The following DNPH1 variants were observed in gnomAD, a reference collection of about 807,000 sequenced individuals.
DNPH1 encodes 5-hydroxymethyl-dUMP N-hydrolase.
A neutral mutation model predicts 15.7 loss-of-function variants in DNPH1; 18 were observed. The observed-to-expected ratio is 1.15, with a 90% CI of 0.79 to 1.70. DNPH1 has a LOEUF of 1.70. DNPH1 is among the 40% of genes most tolerant of loss of function. The pLI, the probability that DNPH1 is intolerant of heterozygous loss-of-function variation, is 0.00. For synonymous variants in DNPH1, 114 were observed against 107.9 expected (o/e 1.06, Z -0.35); for missense variants, 262 against 255.2 (o/e 1.03, Z -0.18).
intron 1 of DNPH1, among the ~76,000 whole-genome samples, chr6:43,228,592 G>A (rs973387252): frequency 6.6e-6 from 1 of 152,078 alleles, no homozygotes; most frequent in Non-Finnish European, 1.5e-5. Context: ...TTGGGAGGCC[G>A]AGGCGGGCAG....
intron 1 of DNPH1, among the ~76,000 whole-genome samples, chr6:43,227,482 G>C (rs1323648123): frequency 1.3e-5 from 2 of 151,992 alleles, no homozygotes; most frequent in African/African-American, 2.4e-5. Flanking sequence ...TTTTTAACAG[G>C]CTCCCTCAGA....
Position 43,226,481 on chromosome 6 carries a change from C to A in DNPH1, c.197-86G>T, listed in dbSNP as rs1410850441. ...CCCTTGTATGTCCATACCCACCCTG[C>A]TCAGGGAGGGTGGGAGCCTTGTGCC... On this transcript the variant is annotated intron_variant, in intron 1 of 3. Transcript: ENST00000230431. This position sits in a 1 kb window ranked among gnomAD's most constrained non-coding sequence, Gnocchi z 4.1. 4 of 1,248,324 alleles carry A rather than the reference C, an allele frequency of 3.2e-6. No homozygotes were observed. The highest frequency in any genetic ancestry group is 4.4e-6 in the Non-Finnish European group (4 of 909,792). The allele number at this position is 1,248,324 out of a possible 1,614,324, so 77.3% of individuals were successfully genotyped here.
In DNPH1 at chr6:43,226,189, G is replaced by A. The variant is rs759612459; in HGVS notation, c.266-46C>T. 3 of 1,609,540 alleles carry A rather than the reference G, an allele frequency of 1.9e-6. No individual in the cohort carries two copies. The highest frequency in any genetic ancestry group is 2.2e-5 in the South Asian group (2 of 90,810). On this transcript the variant is annotated intron_variant, in intron 2 of 3. Transcript: ENST00000230431. The surrounding 1 kb of genome is among the most constrained non-coding windows in gnomAD (Gnocchi z 4.1). ...AAGCCTCAGCATTGGGGGCACTTGA[G>A]GTTCATAAGGAAGACGACGGTGTGG...
rs1020841576 is a variant in DNPH1, at chr6:43,226,375, C to G, written c.217G>C (p.Asp73His). ...AGGTCCTGCTCATGGATGAGCCTGT[C>G]ACCCCCAGCAGCCTCTTCCCCTGTG... ...GARGEEAAGG[D>H]RLIHEQDLEW... Residue 73 changes from aspartate to histidine, a missense_variant, in exon 2 of 4, where the codon GAC becomes CAC. By Grantham distance (81) the Asp-to-His change is moderately conservative (BLOSUM62 -1). Coordinates refer to ENST00000230431, the MANE Select transcript of DNPH1 (RefSeq NM_006443.3). This position sits in a 1 kb window ranked among gnomAD's most constrained non-coding sequence, Gnocchi z 4.1. The G allele has an allele frequency of 1.2e-6, 2 of 1,612,712 alleles. No individual in the cohort carries two copies. Among genetic ancestry groups the G allele is most frequent in the Non-Finnish European group, 1.7e-6 (2 of 1,179,918 alleles).
chr6:43,226,339 G>A lies in DNPH1; in HGVS notation c.253C>T (p.Gln85Ter), dbSNP rs769911183. ...GAGCGCCACTCACCGTCCGCCTGCTGCAGCCACTCCAGGTCCTGCTCATGG... is the reference window on the plus strand; with the variant it reads ...GAGCGCCACTCACCGTCCGCCTGCTACAGCCACTCCAGGTCCTGCTCATGG... ...LIHEQDLEWL[Q>*]QADVVVAEVT... Residue 85 changes from glutamine (Q) to a stop codon, truncating the protein, a stop_gained, in exon 2 of 4, where the codon CAG (glutamine) becomes TAG (stop). Coordinates refer to ENST00000230431, the MANE Select transcript of DNPH1 (RefSeq NM_006443.3). LOFTEE classifies it high-confidence loss of function. This position sits in a 1 kb window ranked among gnomAD's most constrained non-coding sequence, Gnocchi z 4.1. 24 of 1,612,562 alleles carry A rather than the reference G, an allele frequency of 1.5e-5. No homozygotes were observed. The highest frequency in any genetic ancestry group is 1.9e-5 in the Non-Finnish European group (22 of 1,179,916).
intron 1 of DNPH1, among the ~76,000 whole-genome samples, chr6:43,227,192 G>C (rs1243021915): frequency 6.6e-6 from 1 of 151,374 alleles, no homozygotes; most frequent in Non-Finnish European, 1.5e-5. Flanking sequence ...CAAGGCGGTA[G>C]GATCACGAGG....
At chr6:43,229,020 A>G (rs1340832727) in intron 1 of DNPH1, 1 of 412,878 alleles carries the variant, frequency 2.4e-6, no homozygotes, top group South Asian at 1.9e-5. Flanking sequence ...AGAAGGAACC[A>G]AAGGTCAAGA....
Position 43,225,852 on chromosome 6 carries a change from C to T in DNPH1, c.406G>A (p.Asp136Asn). Residue 136 changes from aspartate to asparagine, a missense_variant, in exon 4 of 4, where the codon GAT becomes AAT. Physicochemically the swap from Asp to Asn is conservative, Grantham distance 23. Transcript: ENST00000230431. ...VLSAMIRGAA[D>N]GSRFQVWDYE... ...TCCCACACCTGGAACCGAGAGCCAT[C>T]TGCTGCTCCCCGGATCATGGCCGAA... 2 of 1,614,180 alleles carry T rather than the reference C, an allele frequency of 1.2e-6. No homozygotes were observed. Among genetic ancestry groups the T allele is most frequent in the South Asian group, 1.1e-5 (1 of 91,082 alleles).
rs1185376600 is a variant in DNPH1, at chr6:43,225,761, A to C, written c.497T>G (p.Val166Gly). 2 of 1,614,180 alleles carry C rather than the reference A, an allele frequency of 1.2e-6. No homozygotes were observed. The highest frequency in any genetic ancestry group is 2.2e-5 in the South Asian group (2 of 91,076). The part of the protein sequence containing the change: ...RYFEADPPGQ[V>G]AASPDPTT ...AGTGGTTGGGTCAGGGGAGGCAGCC[A>C]CCTGCCCTGGAGGATCAGCCTCGAA... The change falls in exon 4 of 4, where the codon GTG becomes GGG. Residue 166 changes from valine (V) to glycine (G), a missense_variant. Val to Gly is a moderately radical substitution (Grantham distance 109). Coordinates refer to ENST00000230431, the MANE Select transcript of DNPH1 (RefSeq NM_006443.3).
intron 1 of DNPH1, among the ~76,000 whole-genome samples, chr6:43,227,687 G>T (rs1354123122): frequency 6.6e-6 from 1 of 151,922 alleles, no homozygotes; most frequent in Non-Finnish European, 1.5e-5. Flanking sequence ...TCTTGGGTAG[G>T]ATAAGTGGAA....
intron 3 of DNPH1, 60 bp from the exon 4 acceptor site, chr6:43,225,941 C>T (rs987101110): frequency 2.5e-6 from 4 of 1,613,618 alleles, no homozygotes; most frequent in Non-Finnish European, 2.5e-6. Context: ...GCTCCCTTAC[C>T]CCTTGGGAGA....
In DNPH1 at chr6:43,229,466, G is replaced by T; in HGVS notation, c.-10C>A. The T allele has an allele frequency of 2.3e-6, 3 of 1,287,720 alleles. No individual in the cohort carries two copies. The highest frequency in any genetic ancestry group is 4.2e-5 in the Admixed American group (1 of 23,934). 79.8% of individuals were successfully genotyped at this position (1,287,720 alleles called of 1,614,324 possible). A position where few individuals can be genotyped will look rare whatever the true frequency, so the allele number is the denominator to read the frequency against. On this transcript the variant is annotated 5_prime_UTR_variant, in exon 1 of 4. Transcript: ENST00000230431. Reference sequence around the variant, plus strand: ...CCATGGCAGCAGCCATTCCCCAGCCGCCCGCGCTCTCCGGCGCCAGGGGGC... The same window carrying T: ...CCATGGCAGCAGCCATTCCCCAGCCTCCCGCGCTCTCCGGCGCCAGGGGGC...
intron 1 of DNPH1, among the ~76,000 whole-genome samples, chr6:43,227,388 C>G (rs1470519021): frequency 6.6e-6 from 1 of 151,956 alleles, no homozygotes; most frequent in East Asian, 1.9e-4. Flanking sequence ...GCACTCCACC[C>G]TGGGCGACAG....
chr6:43,225,901 G>A lies in DNPH1; in HGVS notation c.377-20C>T. 6.2e-7 allele frequency: 1 copy of A among 1,614,138 alleles called. No individual in the cohort carries two copies. Among genetic ancestry groups the A allele is most frequent in the South Asian group, 1.1e-5 (1 of 91,088 alleles). On this transcript the variant is annotated intron_variant, in intron 3 of 3. Transcript: ENST00000230431. Reference sequence around the variant, plus strand: ...AAAGCACTGGAAAGGGCAGGGAAAGGTGAAGCTGCCTCCCATCCACACCCT... The same window carrying A: ...AAAGCACTGGAAAGGGCAGGGAAAGATGAAGCTGCCTCCCATCCACACCCT...
Position 43,226,516 on chromosome 6 carries a change from G to A in DNPH1, c.197-121C>T. The A allele has an allele frequency of 1.3e-6, 1 of 773,610 alleles. No individual in the cohort carries two copies. The highest frequency in any genetic ancestry group is 1.9e-5 in the South Asian group (1 of 53,508). 47.9% of individuals were successfully genotyped at this position (773,610 alleles called of 1,614,324 possible). A position where few individuals can be genotyped will look rare whatever the true frequency, so the allele number is the denominator to read the frequency against. The stretch of plus-strand genomic sequence containing the variant: ...GTGGGAGCCTTGTGCCAGATGACCT[G>A]ACCAAACATGACAATCTCATCAAAG... On this transcript the variant is annotated intron_variant, in intron 1 of 3. Transcript: ENST00000230431. This position sits in a 1 kb window ranked among gnomAD's most constrained non-coding sequence, Gnocchi z 4.1.
rs529995374 is a variant in DNPH1 at position 43,226,770 on chromosome 6, G to C, written c.197-375C>G. 1.4e-4 allele frequency: 31 copies of C among 225,538 alleles called. 1 individual carries two copies. In the East Asian group the frequency reaches 3.8e-3, roughly 27 times the overall value. The allele number at this position is 225,538 out of a possible 1,614,324, so 14.0% of individuals were successfully genotyped here. A position where few individuals can be genotyped will look rare whatever the true frequency, so the allele number is the denominator to read the frequency against. On this transcript the variant is annotated intron_variant, in intron 1 of 3. Transcript: ENST00000230431. The surrounding 1 kb of genome is among the most constrained non-coding windows in gnomAD (Gnocchi z 4.1). ...TTATCTTCCAGGACAGTGAGGCTCA[G>C]CCCACCGCATCAGGGTAGGACCACT...
At position 43,228,015 on chromosome 6, in the gene DNPH1, G is replaced by A. The variant is rs545737661; in HGVS notation, c.196+1246C>T. ...TGAGGTGGGAGGATTGCTCAAGCCC[G>A]GGAGGCAGAGGTTAGCAGTGAGCTG... On this transcript the variant is annotated intron_variant, in intron 1 of 3. Coordinates refer to ENST00000230431, the MANE Select transcript of DNPH1 (RefSeq NM_006443.3). Among the ~76,000 whole-genome samples the A allele has an allele frequency of 5.9e-5, 9 of 152,160 alleles. No homozygotes were observed. The South Asian group carries it at 6.2e-4, about 11-fold the overall frequency.
Position 43,229,362 on chromosome 6 carries a change from C to T in DNPH1, c.95G>A (p.Gly32Glu). 1 of 1,487,246 alleles carries T rather than the reference C, an allele frequency of 6.7e-7. No homozygotes were observed. 92.1% of individuals were successfully genotyped at this position (1,487,246 alleles called of 1,614,324 possible). Residue 32 changes from glycine to glutamate, a missense_variant, in exon 1 of 4, where the codon GGA becomes GAA. Coordinates refer to ENST00000230431, the MANE Select transcript of DNPH1 (RefSeq NM_006443.3). ...CTCGTACAGCGTCCTGTCCTCGCGT[C>T]CGCCGCGAATGCTCCCGCAGAAGTA... ...ALYFCGSIRGGREDRTLYERI... is the reference protein window; with the variant it reads ...ALYFCGSIRGEREDRTLYERI...
At position 43,226,609 on chromosome 6, in the gene DNPH1, G is replaced by A; in HGVS notation, c.197-214C>T. The A allele has an allele frequency of 3.6e-6, 2 of 560,904 alleles. No homozygotes were observed. Among genetic ancestry groups the A allele is most frequent in the Non-Finnish European group, 6.3e-6 (2 of 317,076 alleles). 34.7% of individuals were successfully genotyped at this position (560,904 alleles called of 1,614,324 possible). A position where few individuals can be genotyped will look rare whatever the true frequency, so the allele number is the denominator to read the frequency against. On this transcript the variant is annotated intron_variant, in intron 1 of 3. Transcript: ENST00000230431. This position sits in a 1 kb window ranked among gnomAD's most constrained non-coding sequence, Gnocchi z 4.1. ...TATGCAAGGTGGGACATGTGATTAG[G>A]GCCGAATGAGGAACATCAGCAGCAC...
Sources: allele counts gnomAD v4.1 joint callset (sites outside exome capture counted in the v4.1 genomes callset), GRCh38; gene constraint gnomAD v4.1.1; non-coding constraint Gnocchi (gnomAD v3.1); transcripts MANE v1.5; gene names NCBI Gene and HGNC (gene_info 2026-07-23, HGNC 2026-07-21).